Variants in CNBD1 observed in about 807,000 individuals in gnomAD.
CNBD1 encodes the protein cyclic nucleotide binding domain containing 1.
In CNBD1, 71 loss-of-function variants were observed where a neutral mutation model predicts 54.4. The ratio of observed to expected loss-of-function variants is 1.30; its 90% CI spans 1.08 to 1.59. The LOEUF is 1.59. Among genes scored for constraint, CNBD1 ranks in the 40% most tolerant of loss-of-function variants. The probability of loss-of-function intolerance (pLI) is 0.00; values close to 1 mark genes in which losing one functional copy is unlikely to be tolerated. For missense variants in CNBD1, 659 were observed against 518.0 expected (o/e 1.27, Z -2.64); for synonymous variants, 182 against 170.7 (o/e 1.07, Z -0.51).
At chr8:87,411,040 A>G (rs1807732806) in intron 2 of CNBD1, among the ~76,000 whole-genome samples, 1 of 152,044 alleles carries the variant, frequency 6.6e-6, no homozygotes, top group Non-Finnish European at 1.5e-5. Flanking sequence ...TAACTTTTAT[A>G]TGCTTTGGGA....
intron 8 of CNBD1, among the ~76,000 whole-genome samples, chr8:87,298,573 C>A (rs1397927536): frequency 6.6e-6 from 1 of 151,272 alleles, no homozygotes; most frequent in African/African-American, 2.4e-5. Flanking sequence ...CAACCTACAC[C>A]TCCCGGGTTC....
intron 4 of CNBD1, among the ~76,000 whole-genome samples, chr8:87,188,169 A>G (rs1171342312): frequency 6.6e-6 from 1 of 152,160 alleles, no homozygotes; most frequent in Non-Finnish European, 1.5e-5. Flanking sequence ...TTCAGATGTC[A>G]GTTCATACAC....
intron 4 of CNBD1, among the ~76,000 whole-genome samples, chr8:86,967,233 T>G (rs1211149057): frequency 6.6e-6 from 1 of 152,204 alleles, no homozygotes; most frequent in Non-Finnish European, 1.5e-5. Context: ...CACCTGGTCC[T>G]GTGCCTAGGA....
chr8:87,200,929 A>C (rs1813846269), intron 4 of CNBD1, among the ~76,000 whole-genome samples: 1 of 152,128 alleles, frequency 6.6e-6, no homozygotes, highest in Admixed American at 6.6e-5. Context: ...ACCAAAACCA[A>C]ATAAAGGGAT....
chr8:87,332,327 G>T (rs952448487), intron 8 of CNBD1, among the ~76,000 whole-genome samples: 4 of 150,216 alleles, frequency 2.7e-5, no homozygotes, highest in Admixed American at 2.0e-4. Flanking sequence ...CAGCCTGTGG[G>T]ACAGAGGGAA....
chr8:87,402,959 A>T (rs1292631875), intron 2 of CNBD1, among the ~76,000 whole-genome samples: 1 of 152,052 alleles, frequency 6.6e-6, no homozygotes, highest in African/African-American at 2.4e-5. Flanking sequence ...ATATCATACA[A>T]TTGTGTTATC....
At chr8:87,327,358 T>A (rs2130906137) in intron 8 of CNBD1, among the ~76,000 whole-genome samples, 1 of 151,420 alleles carries the variant, frequency 6.6e-6, no homozygotes, top group South Asian at 2.1e-4. Flanking sequence ...GGCTGCTTTG[T>A]TTACCTAAGC....
chr8:87,095,498 A>AT (rs1295161651), intron 4 of CNBD1, among the ~76,000 whole-genome samples: 1 of 152,130 alleles, frequency 6.6e-6, no homozygotes, highest in Non-Finnish European at 1.5e-5. Flanking sequence ...AATAGCTGTT[A>AT]TTTTTTACTC....
chr8:87,343,344 G>C (rs1449526606), intron 8 of CNBD1, among the ~76,000 whole-genome samples: 2 of 152,142 alleles, frequency 1.3e-5, no homozygotes, highest in African/African-American at 2.4e-5. Flanking sequence ...AGGGTCCTGA[G>C]GTGACATACA....
rs116664735 is a variant in CNBD1 at position 87,263,708 on chromosome 8, A to G, written c.772-20970A>G. Among the ~76,000 whole-genome samples, 1,159 of 152,234 alleles carry G rather than the reference A, an allele frequency of 7.6e-3. 21 individuals are homozygous for G. Among genetic ancestry groups the G allele is most frequent in the African/African-American group, 0.023 (938 of 41,566 alleles). On this transcript the variant is annotated intron_variant, in intron 6 of 10. Transcript: ENST00000518476. ...GCAAACAAAATTCCTAACCTTTGGT[A>G]CTTTACTCCTAAAAGAGCTTAATGG...
chr8:87,191,292 G>A (rs1396298376), intron 4 of CNBD1, among the ~76,000 whole-genome samples: 2 of 152,126 alleles, frequency 1.3e-5, no homozygotes, highest in African/African-American at 4.8e-5. Context: ...GGCATGCAAA[G>A]ACAGAGAGAA....
chr8:86,947,962 T>G (rs977078574), intron 4 of CNBD1, among the ~76,000 whole-genome samples: 7 of 152,112 alleles, frequency 4.6e-5, no homozygotes, highest in African/African-American at 1.7e-4. Flanking sequence ...TGTTCATGAG[T>G]TCAATTGTTT....
At chr8:87,290,694 T>C (rs147258300) in intron 8 of CNBD1, among the ~76,000 whole-genome samples, 10 of 152,274 alleles carry the variant, frequency 6.6e-5, no homozygotes, top group African/African-American at 1.2e-4. Context: ...TACTGAGAAT[T>C]TCTTCATTTC....
chr8:86,878,331 G>A (rs896955256), intron 1 of CNBD1, among the ~76,000 whole-genome samples: 2 of 152,184 alleles, frequency 1.3e-5, no homozygotes, highest in Middle Eastern at 3.4e-3. Flanking sequence ...AAATGGTGGT[G>A]GAGAGTGCAC....
At position 86,877,787 on chromosome 8, in the gene CNBD1, C is replaced by G. The variant is rs149273807; in HGVS notation, c.89-9755C>G. On this transcript the variant is annotated intron_variant, in intron 1 of 10. Transcript: ENST00000518476. ...TATCTTTGAGCATTTTTTGTCTACT[C>G]TTATTTCTGTTTGCTTACTCAGAAA... Among the ~76,000 whole-genome samples, 399 of 152,192 alleles carry G rather than the reference C, an allele frequency of 2.6e-3. 3 individuals are homozygous for G. Among genetic ancestry groups the G allele is most frequent in the African/African-American group, 9.1e-3 (378 of 41,530 alleles).
intron 6 of CNBD1, among the ~76,000 whole-genome samples, chr8:87,276,981 T>C (rs74355097): frequency 2.4e-5 from 2 of 81,924 alleles, no homozygotes; most frequent in Non-Finnish European, 5.3e-5. Context: ...GAATAATTAT[T>C]TTTTTTTTTT....
intron 4 of CNBD1, among the ~76,000 whole-genome samples, chr8:87,130,240 C>G (rs1367123806): frequency 6.6e-6 from 1 of 152,096 alleles, no homozygotes; most frequent in Admixed American, 6.6e-5. Flanking sequence ...CTTGATTTCT[C>G]AATAATCCCA....
intron 4 of CNBD1, among the ~76,000 whole-genome samples, chr8:87,156,807 A>G (rs373577268): frequency 1.3e-5 from 2 of 152,116 alleles, no homozygotes; most frequent in African/African-American, 4.8e-5. Context: ...CATAGTGTAC[A>G]ATAGCAATTA....
chr8:86,959,457 T>C (rs1047838503), intron 4 of CNBD1, among the ~76,000 whole-genome samples: 11 of 152,200 alleles, frequency 7.2e-5, no homozygotes, highest in Admixed American at 6.5e-4. Context: ...CCAGCTTGGT[T>C]CCATTCTCCC....
Sources: allele counts gnomAD v4.1 joint callset (sites outside exome capture counted in the v4.1 genomes callset), GRCh38; gene constraint gnomAD v4.1.1; transcripts MANE v1.5; gene names NCBI Gene and HGNC (gene_info 2026-07-23, HGNC 2026-07-21).